Variants in OSBPL10 observed in about 807,000 individuals in gnomAD.
OSBPL10 encodes the protein oxysterol binding protein like 10.
Under a neutral mutation model 81.7 loss-of-function variants are expected in OSBPL10, and 49 were observed. The observed-to-expected ratio is 0.60, with a 90% CI of 0.48 to 0.76. The LOEUF (loss-of-function observed/expected upper bound fraction) is 0.76, where lower values mean the gene tolerates loss of function less well. OSBPL10 is among the 30% of genes least tolerant of loss of function. The pLI is 0.00. For synonymous variants in OSBPL10, 419 were observed against 383.6 expected, an observed-to-expected ratio of 1.09 and a Z score of -1.08; for missense variants, 923 against 987.8, an observed-to-expected ratio of 0.93 and a Z score of 0.88.
At chr3:32,032,363 C>T (rs1233730598) in intron 2 of OSBPL10, among the ~76,000 whole-genome samples, 1 of 151,650 alleles carries the variant, frequency 6.6e-6, no homozygotes, top group East Asian at 1.9e-4. Context: ...TGCAGTGAGC[C>T]GAGATCATGC....
chr3:31,885,083 G>A (rs982620386), intron 1 of OSBPL10, among the ~76,000 whole-genome samples: 2 of 152,072 alleles, frequency 1.3e-5, no homozygotes, highest in African/African-American at 4.8e-5. Context: ...TCCTGGGAAG[G>A]GCTGAGGACA....
chr3:31,891,772 A>C (rs1468619096), intron 1 of OSBPL10, among the ~76,000 whole-genome samples: 3 of 152,212 alleles, frequency 2.0e-5, no homozygotes, highest in Non-Finnish European at 2.9e-5. Context: ...TGTGATATGA[A>C]TAAAGCACTC....
chr3:31,993,879 A>G (rs1269994548), intron 2 of OSBPL10, among the ~76,000 whole-genome samples: 1 of 152,218 alleles, frequency 6.6e-6, no homozygotes, highest in Non-Finnish European at 1.5e-5. Flanking sequence ...ATACAAATAT[A>G]ATGAAAACCT....
At chr3:31,686,318 A>G (rs1043381018) in intron 7 of OSBPL10, among the ~76,000 whole-genome samples, 1 of 152,250 alleles carries the variant, frequency 6.6e-6, no homozygotes. Context: ...ACATGAGAAC[A>G]GCAAAGTACA....
chr3:31,946,089 T>G (rs1020367121), intron 1 of OSBPL10, among the ~76,000 whole-genome samples: 1 of 152,080 alleles, frequency 6.6e-6, no homozygotes, highest in Non-Finnish European at 1.5e-5. Context: ...CAAGTGATTC[T>G]CCTGCCTCAG....
At chr3:31,980,117 G>C (rs1168555622) in intron 1 of OSBPL10, among the ~76,000 whole-genome samples, 1 of 151,824 alleles carries the variant, frequency 6.6e-6, no homozygotes, top group Non-Finnish European at 1.5e-5. Flanking sequence ...CGATTCTCCT[G>C]CCTCAGCCTC....
rs756327490 is a variant in OSBPL10, at chr3:31,990,488, TA to T, written n.298+56002del. 44 of 1,553,896 alleles carry T rather than the reference TA, an allele frequency of 2.8e-5. No individual in the cohort carries two copies. In the African/African-American group the frequency reaches 5.2e-4, roughly 19 times the overall value. ...ACCTTCCATCACAATTCAGCCCTTG[TA>T]ATTCATAAGGCAATTCATACTGGAG... On this transcript the variant is annotated intron_variant and non_coding_transcript_variant, in intron 2 of 3. Transcript: ENST00000479173.
chr3:31,946,061 A>C (rs1575052609), intron 1 of OSBPL10, among the ~76,000 whole-genome samples: 1 of 151,738 alleles, frequency 6.6e-6, no homozygotes, highest in South Asian at 2.1e-4. Context: ...GCTTACTGCA[A>C]CCTCCGCCTC....
chr3:31,889,448 C>T (rs1456258994), intron 1 of OSBPL10, among the ~76,000 whole-genome samples: 2 of 152,200 alleles, frequency 1.3e-5, no homozygotes, highest in East Asian at 1.9e-4. Flanking sequence ...TCTATATACA[C>T]AATGAAACAT....
intron 3 of OSBPL10, among the ~76,000 whole-genome samples, chr3:31,854,496 ACTT>A (rs1450442677): frequency 6.6e-6 from 1 of 152,196 alleles, no homozygotes; most frequent in Non-Finnish European, 1.5e-5. Context: ...TTAATAGGTA[ACTT>A]CTCCCAAAGA....
chr3:31,676,905 T>C (rs945719540), intron 8 of OSBPL10, among the ~76,000 whole-genome samples: 5 of 151,908 alleles, frequency 3.3e-5, no homozygotes, highest in African/African-American at 1.2e-4. Flanking sequence ...GTTAGAGCAA[T>C]AGAAACGAGA....
At chr3:31,750,231 C>G (rs947884879) in intron 4 of OSBPL10, among the ~76,000 whole-genome samples, 2 of 152,138 alleles carry the variant, frequency 1.3e-5, no homozygotes, top group African/African-American at 4.8e-5. Flanking sequence ...CCAGGCACAC[C>G]TATCTTCCTT....
chr3:31,990,230 C>T, intron 2 of OSBPL10: 2 of 1,613,984 alleles, frequency 1.2e-6, no homozygotes, highest in Non-Finnish European at 1.7e-6. Flanking sequence ...GGGCAGTCAA[C>T]ACTTATTCAC....
At chr3:31,740,864 T>C (rs1209555816) in intron 5 of OSBPL10, among the ~76,000 whole-genome samples, 2 of 150,272 alleles carry the variant, frequency 1.3e-5, no homozygotes, top group Non-Finnish European at 2.9e-5. Flanking sequence ...AATTTATATA[T>C]ATATGTCATA....
chr3:31,863,090 A>G (rs1459900677), intron 3 of OSBPL10, among the ~76,000 whole-genome samples: 1 of 152,244 alleles, frequency 6.6e-6, no homozygotes, highest in Non-Finnish European at 1.5e-5. Context: ...TAAAAAAGGA[A>G]TGAAGTACTG....
chr3:31,972,468 T>A (rs1575070876), intron 1 of OSBPL10, among the ~76,000 whole-genome samples: 1 of 148,744 alleles, frequency 6.7e-6, no homozygotes, highest in Non-Finnish European at 1.5e-5. Context: ...GCAGCGGTGG[T>A]TTTCATTGCA....
chr3:31,925,955 A>G (rs980609622), intron 1 of OSBPL10, among the ~76,000 whole-genome samples: 28 of 152,160 alleles, frequency 1.8e-4, no homozygotes, highest in African/African-American at 6.5e-4. Context: ...GTGAATTCCT[A>G]CTGATCCATC....
chr3:31,794,106 G>A (rs1699114710), intron 4 of OSBPL10, among the ~76,000 whole-genome samples: 1 of 152,182 alleles, frequency 6.6e-6, no homozygotes, highest in Non-Finnish European at 1.5e-5. Flanking sequence ...TCAGCCTCGT[G>A]ATGGCACCTG....
chr3:31,702,858 T>C (rs1398733485), intron 6 of OSBPL10, among the ~76,000 whole-genome samples: 2 of 152,232 alleles, frequency 1.3e-5, no homozygotes, highest in African/African-American at 4.8e-5. Context: ...AAAGTTAGAC[T>C]CCTGTTAACT....
Sources: allele counts gnomAD v4.1 joint callset (sites outside exome capture counted in the v4.1 genomes callset), GRCh38; gene constraint gnomAD v4.1.1; transcripts MANE v1.5; gene names NCBI Gene and HGNC (gene_info 2026-07-23, HGNC 2026-07-21).